DNAH12: variants seen among roughly 807,000 people sequenced by gnomAD.
DNAH12 encodes dynein axonemal heavy chain 12.
Under a neutral mutation model 371.5 loss-of-function variants are expected in DNAH12, and 285 were observed. The observed-to-expected ratio is 0.77, with a 90% confidence interval of 0.70 to 0.85. The LOEUF is 0.85. DNAH12 is among the 40% of genes least tolerant of loss of function. The pLI is 0.00. For synonymous variants in DNAH12, 1,200 were observed against 1,213.0 expected, an observed-to-expected ratio of 0.99 and a Z score of 0.22; for missense variants, 3,611 against 3,689.4, an observed-to-expected ratio of 0.98 and a Z score of 0.55.
Position 57,483,438 on chromosome 3 carries a change from G to T in DNAH12, c.1588C>A (p.Leu530Met). The T allele has an allele frequency of 4.5e-6, 7 of 1,551,338 alleles. No individual in the cohort carries two copies. Among genetic ancestry groups the T allele is most frequent in the Non-Finnish European group, 6.1e-6 (7 of 1,146,832 alleles). The change falls in exon 13 of 74, where the codon CTG (leucine) becomes ATG (methionine). Residue 530 changes from leucine (L) to methionine (M), a missense_variant. Around this residue, in one of 3 missense-constraint regions of DNAH12, gnomAD observed 1,314 missense variants for 1,398.7 expected, o/e 0.94. Coordinates refer to ENST00000495027, the MANE Select transcript of DNAH12 (RefSeq NM_001366028.2). ...CGGGCTTTTTCTACATAAGATATCAGATCCATCATCTCTTCTGTTGTTTCA... is the reference window on the plus strand; with the variant it reads ...CGGGCTTTTTCTACATAAGATATCATATCCATCATCTCTTCTGTTGTTTCA... ...VPETTEEMMDLISYVEKARTV... is the reference protein window; with the variant it reads ...VPETTEEMMDMISYVEKARTV...
At position 57,415,432 on chromosome 3, in the gene DNAH12, C is replaced by T. The variant is rs1352921219; in HGVS notation, c.5847G>A (p.Gln1949=). 1 of 1,548,430 alleles carries T rather than the reference C, an allele frequency of 6.5e-7. No homozygotes were observed. The highest frequency in any genetic ancestry group is 1.4e-5 in the African/African-American group (1 of 72,968). ...INLSARTSAN[Q]VQNIIMARLD... ...TTTCTGTCTTTAAACTAACCTGAAC[C>T]TGATTGGCGCTGGTCCGTGCAGATA... The change falls in exon 38 of 74, where the codon CAG becomes CAA. Residue 1949 remains glutamine (Q), a synonymous_variant. Coordinates refer to ENST00000495027, the MANE Select transcript of DNAH12 (RefSeq NM_001366028.2).
chr3:57,478,354 C>A (rs1283540369), intron 13 of DNAH12, among the ~76,000 whole-genome samples: 1 of 151,964 alleles, frequency 6.6e-6, no homozygotes, highest in African/African-American at 2.4e-5. Flanking sequence ...TGAAATGAAG[C>A]TAGAAGAGAA....
chr3:57,431,547 A>G (rs1435435528), intron 32 of DNAH12, among the ~76,000 whole-genome samples: 1 of 152,102 alleles, frequency 6.6e-6, no homozygotes, highest in African/African-American at 2.4e-5. Flanking sequence ...CATTTTCCCA[A>G]TATTTTCACA....
intron 2 of DNAH12, chr3:57,530,387 C>T: frequency 1.9e-6 from 1 of 526,176 alleles, no homozygotes; most frequent in Non-Finnish European, 3.5e-6. Context: ...GATAAAACTC[C>T]AACTCCCAGG....
chr3:57,336,149 A>G (rs1392564727), intron 60 of DNAH12, among the ~76,000 whole-genome samples: 5 of 152,202 alleles, frequency 3.3e-5, no homozygotes, highest in African/African-American at 9.6e-5. Flanking sequence ...ACCTAGAATA[A>G]GTCTTGAAAA....
chr3:57,541,506 C>T (rs1016639058), intron 2 of DNAH12, among the ~76,000 whole-genome samples: 1 of 151,900 alleles, frequency 6.6e-6, no homozygotes, highest in African/African-American at 2.4e-5. Context: ...GTTAGGACCA[C>T]AGGCATGCCC....
chr3:57,313,159 G>C (rs774989307), intron 66 of DNAH12, among the ~76,000 whole-genome samples: 1 of 152,176 alleles, frequency 6.6e-6, no homozygotes, highest in Non-Finnish European at 1.5e-5. Context: ...TACAGCTAAA[G>C]CCTACGCCTG....
chr3:57,329,827 A>G (rs2062048500), intron 62 of DNAH12, among the ~76,000 whole-genome samples: 1 of 152,234 alleles, frequency 6.6e-6, no homozygotes, highest in East Asian at 1.9e-4. Context: ...ACAAAAGGCT[A>G]ATATCCAGAA....
chr3:57,511,770 T>C (rs996930026), intron 4 of DNAH12, among the ~76,000 whole-genome samples: 4 of 152,130 alleles, frequency 2.6e-5, no homozygotes, highest in African/African-American at 9.7e-5. Context: ...TACACCAGTA[T>C]ATCAGAAAAT....
At chr3:57,534,403 AG>A (rs1434033422) in intron 2 of DNAH12, among the ~76,000 whole-genome samples, 1 of 151,334 alleles carries the variant, frequency 6.6e-6, no homozygotes, top group Non-Finnish European at 1.5e-5. Context: ...GTTCCTGTTG[AG>A]GGGTATGTTC....
At chr3:57,318,466 TTA>T (rs2061733529) in intron 65 of DNAH12, among the ~76,000 whole-genome samples, 1 of 152,118 alleles carries the variant, frequency 6.6e-6, no homozygotes, top group African/African-American at 2.4e-5. Flanking sequence ...TCAGTTGACC[TTA>T]TATGTGTAGA....
intron 34 of DNAH12, among the ~76,000 whole-genome samples, chr3:57,427,082 CTGAG>C (rs1396188654): frequency 6.6e-6 from 1 of 150,520 alleles, no homozygotes; most frequent in Non-Finnish European, 1.5e-5. Context: ...TAGGATAAAA[CTGAG>C]TATCTCTTTC....
chr3:57,526,170 A>G (rs1293229132), intron 2 of DNAH12, among the ~76,000 whole-genome samples: 2 of 152,096 alleles, frequency 1.3e-5, no homozygotes, highest in Admixed American at 1.3e-4. Flanking sequence ...ATTTCCATGA[A>G]TTCAAAGAGT....
intron 51 of DNAH12, 127 bp from the exon 52 acceptor site, chr3:57,379,425 G>C (rs914946228): frequency 2.0e-5 from 3 of 151,996 alleles, no homozygotes; most frequent in African/African-American, 7.2e-5. Flanking sequence ...GCCAAAATAA[G>C]TATTTTGAAA....
At chr3:57,448,427 C>T (rs1037642656) in intron 25 of DNAH12, among the ~76,000 whole-genome samples, 2 of 152,056 alleles carry the variant, frequency 1.3e-5, no homozygotes, top group East Asian at 1.9e-4. Context: ...TGTTAAAGCT[C>T]TTAATGCAGC....
chr3:57,510,711 C>T, intron 5 of DNAH12, 79 bp downstream of exon 5: 2 of 1,305,762 alleles, frequency 1.5e-6, no homozygotes, highest in Non-Finnish European at 2.2e-6. Context: ...ACTCATTTTG[C>T]TTATTTCTAT....
intron 29 of DNAH12, among the ~76,000 whole-genome samples, chr3:57,442,993 T>C (rs1030032492): frequency 5.9e-5 from 9 of 152,250 alleles, no homozygotes; most frequent in Admixed American, 3.9e-4. Context: ...GAATCTTCAC[T>C]GTACATTTCA....
chr3:57,374,551 T>C (rs987727825), intron 55 of DNAH12, among the ~76,000 whole-genome samples: 2 of 152,148 alleles, frequency 1.3e-5, no homozygotes, highest in African/African-American at 4.8e-5. Flanking sequence ...AAGGTACCCA[T>C]GAAATTGCAT....
the DNAH12 span, among the ~76,000 whole-genome samples, chr3:57,552,553 T>TG: frequency 0.39 from 58,633 of 151,946 alleles, 12,642 homozygotes; most frequent in South Asian, 0.56. Context: ...ATTTATGTTA[T>TG]TTATTTATTT....
Sources: allele counts gnomAD v4.1 joint callset (sites outside exome capture counted in the v4.1 genomes callset), GRCh38; gene constraint gnomAD v4.1.1; regional missense constraint gnomAD v4.1.1; transcripts MANE v1.5; gene names NCBI Gene and HGNC (gene_info 2026-07-23, HGNC 2026-07-21).